FILIP1: variants seen among roughly 807,000 people sequenced by gnomAD.
FILIP1 encodes the protein filamin-A-interacting protein 1.
In FILIP1, 61 loss-of-function variants were observed where a neutral mutation model predicts 102.1. The observed-to-expected ratio is 0.60, with a 90% CI of 0.49 to 0.74. FILIP1 has a LOEUF of 0.74. FILIP1 is among the 30% of genes least tolerant of loss of function. The pLI is 0.00. For missense variants in FILIP1, 1,314 were observed against 1,441.2 expected (o/e 0.91, Z 1.43); for synonymous variants, 491 against 526.9 (o/e 0.93, Z 0.93).
At chr6:75,475,479 A>T (rs1024890161) in intron 1 of FILIP1, among the ~76,000 whole-genome samples, 1 of 152,192 alleles carries the variant, frequency 6.6e-6, no homozygotes, top group Non-Finnish European at 1.5e-5. Flanking sequence ...ACAGCACAGC[A>T]TCTTATTATA....
At chr6:75,453,428 T>C (rs917636531) in intron 1 of FILIP1, among the ~76,000 whole-genome samples, 4 of 152,204 alleles carry the variant, frequency 2.6e-5, no homozygotes, top group African/African-American at 7.2e-5. Flanking sequence ...TAGCCCTATA[T>C]AGTCATTCAG....
chr6:75,313,700 C>A lies in FILIP1; in HGVS notation c.2132G>T (p.Arg711Leu). The change falls in exon 5 of 6, where the codon CGG (arginine) becomes CTG (leucine). Residue 711 changes from arginine to leucine, a missense_variant. By Grantham distance (102) the Arg-to-Leu change is moderately radical. Coordinates refer to ENST00000237172, the MANE Select transcript of FILIP1 (RefSeq NM_015687.5). This position sits in a 1 kb window ranked among gnomAD's most constrained non-coding sequence, Gnocchi z 4.2. The stretch of plus-strand genomic sequence containing the variant: ...GTCTCGACTTTTAGCTTCTTCCAAC[C>A]GAAATCTGTGTCTCAGTTCAGCTTC... ...SQEAELRHRF[R>L]LEEAKSRDLK... is the part of the protein sequence containing the mutation. The A allele has an allele frequency of 6.4e-7, 1 of 1,562,302 alleles. No individual in the cohort carries two copies. The highest frequency in any genetic ancestry group is 8.6e-7 in the Non-Finnish European group (1 of 1,159,750).
chr6:75,398,360 G>A (rs994021422), intron 2 of FILIP1, among the ~76,000 whole-genome samples: 1 of 152,134 alleles, frequency 6.6e-6, no homozygotes, highest in African/African-American at 2.4e-5. Context: ...GTTTTGCAAA[G>A]AAACATATTC....
chr6:75,326,420 A>G (rs1773867157), intron 4 of FILIP1, among the ~76,000 whole-genome samples: 1 of 152,120 alleles, frequency 6.6e-6, no homozygotes, highest in African/African-American at 2.4e-5. Flanking sequence ...TGATGGGTGC[A>G]CCAAAATCTC....
chr6:75,321,021 GTTC>G (rs1773634904), intron 4 of FILIP1, among the ~76,000 whole-genome samples: 1 of 151,976 alleles, frequency 6.6e-6, no homozygotes, highest in African/African-American at 2.4e-5. Flanking sequence ...GTTTGTCTTA[GTTC>G]TTCTTCCTCC....
At chr6:75,423,572 T>A (rs1485759106) in intron 1 of FILIP1, among the ~76,000 whole-genome samples, 1 of 152,130 alleles carries the variant, frequency 6.6e-6, no homozygotes, top group Non-Finnish European at 1.5e-5. Flanking sequence ...AGACATATGC[T>A]TAGCAAATCG....
At position 75,315,260 on chromosome 6, in the gene FILIP1, T is replaced by C. The variant is rs1773399958; in HGVS notation, c.630-58A>G. ...AGTAATCAGCAAACAGATTTAAGCA[T>C]TGATATTAAATAAAAAACAAAAAGC... is the stretch of plus-strand genomic sequence containing the variant. On this transcript the variant is annotated intron_variant, in intron 4 of 5. Coordinates refer to ENST00000237172, the MANE Select transcript of FILIP1 (RefSeq NM_015687.5). 6.0e-6 allele frequency: 7 copies of C among 1,168,520 alleles called. 1 individual carries two copies. In the Admixed American group the frequency reaches 1.7e-4, roughly 28 times the overall value. 72.4% of individuals were successfully genotyped at this position (1,168,520 alleles called of 1,614,324 possible). A position where few individuals can be genotyped will look rare whatever the true frequency, so the allele number is the denominator to read the frequency against.
intron 2 of FILIP1, among the ~76,000 whole-genome samples, chr6:75,373,020 T>G (rs568814241): frequency 5.9e-5 from 9 of 152,108 alleles, no homozygotes; most frequent in Non-Finnish European, 1.2e-4. Flanking sequence ...TAGTCAAAAA[T>G]AAGAAGAATC....
intron 1 of FILIP1, among the ~76,000 whole-genome samples, chr6:75,480,414 T>C (rs1779619435): frequency 6.6e-6 from 1 of 152,130 alleles, no homozygotes; most frequent in Admixed American, 6.6e-5. Context: ...AAAATTCTTT[T>C]TTTTTTTTAA....
exon 7 of FILIP1, chr6:75,294,750 T>C (rs757743862): frequency 6.6e-6 from 1 of 151,782 alleles, no homozygotes; most frequent in South Asian, 2.1e-4. Flanking sequence ...TGGAGTACAG[T>C]GACACAATCA....
rs115482775 is a variant in FILIP1 at position 75,408,455 on chromosome 6, G to A, written c.276+6242C>T. 2.8e-3 allele frequency among the ~76,000 whole-genome samples: 431 copies of A among 152,304 alleles called. 1 individual carries two copies. The highest frequency in any genetic ancestry group is 1.0e-2 in the African/African-American group (415 of 41,558). On this transcript the variant is annotated intron_variant, in intron 2 of 5. Coordinates refer to ENST00000237172, the MANE Select transcript of FILIP1 (RefSeq NM_015687.5). ...GATACCTGGACTGGCAAACAAAACA[G>A]CAAATGTGCATATTTTGCAAAGAGC...
intron 2 of FILIP1, among the ~76,000 whole-genome samples, chr6:75,403,245 T>C (rs1161716864): frequency 1.3e-5 from 2 of 151,986 alleles, no homozygotes; most frequent in African/African-American, 4.8e-5. Context: ...CAAGTGTAGT[T>C]GTTCATGCCT....
intron 2 of FILIP1, among the ~76,000 whole-genome samples, chr6:75,409,903 C>A (rs1351071355): frequency 6.6e-6 from 1 of 152,090 alleles, no homozygotes; most frequent in African/African-American, 2.4e-5. Flanking sequence ...ATAATACCAT[C>A]CCCAACCAAT....
chr6:75,371,507 T>G (rs551092386), intron 2 of FILIP1, among the ~76,000 whole-genome samples: 2 of 152,308 alleles, frequency 1.3e-5, no homozygotes, highest in African/African-American at 4.8e-5. Flanking sequence ...CAAGGGACCA[T>G]GAATAGCTGA....
At chr6:75,444,024 GTACT>G (rs1164821457) in intron 1 of FILIP1, among the ~76,000 whole-genome samples, 1 of 152,176 alleles carries the variant, frequency 6.6e-6, no homozygotes, top group Non-Finnish European at 1.5e-5. Context: ...CATGTAGAAA[GTACT>G]TAATAAATAG....
intron 2 of FILIP1, among the ~76,000 whole-genome samples, chr6:75,411,722 T>C (rs1777078229): frequency 1.3e-5 from 2 of 152,122 alleles, no homozygotes; most frequent in Non-Finnish European, 1.5e-5. Context: ...GATCAGATAG[T>C]TGTAGATGTG....
chr6:75,440,228 A>T (rs917098318), intron 1 of FILIP1, among the ~76,000 whole-genome samples: 2 of 152,186 alleles, frequency 1.3e-5, no homozygotes, highest in Non-Finnish European at 2.9e-5. Flanking sequence ...TTAAAAATAC[A>T]CTGTGGCAAA....
intron 2 of FILIP1, among the ~76,000 whole-genome samples, chr6:75,407,462 G>A (rs1255916497): frequency 6.6e-6 from 1 of 152,114 alleles, no homozygotes; most frequent in Non-Finnish European, 1.5e-5. Flanking sequence ...TCCTGACCTT[G>A]TGATCCGCCC....
At chr6:75,493,115 C>T (rs986853365) in intron 1 of FILIP1, among the ~76,000 whole-genome samples, 3 of 152,198 alleles carry the variant, frequency 2.0e-5, no homozygotes, top group African/African-American at 7.2e-5. Flanking sequence ...GTGAAATTGT[C>T]CTTTGTCATA....
Sources: gnomAD v4.1 joint callset for allele counts (sites outside exome capture counted in the v4.1 genomes callset) on GRCh38, gnomAD v4.1.1 for gene constraint, Gnocchi (gnomAD v3.1) non-coding constraint, MANE v1.5 for transcripts, NCBI Gene and HGNC (gene_info 2026-07-23, HGNC 2026-07-21) for gene names.